KCTD1: variants seen among roughly 807,000 people sequenced by gnomAD.
KCTD1 encodes potassium channel tetramerization domain containing 1, also known as BTB/POZ domain-containing protein KCTD1.
In KCTD1, 24 loss-of-function variants were observed where a neutral mutation model predicts 66.0. The ratio of observed to expected loss-of-function variants is 0.36; its 90% CI spans 0.26 to 0.51. The LOEUF is 0.51. Among genes scored for constraint, KCTD1 ranks in the 20% least tolerant of loss-of-function variants. The pLI is 0.95. For missense variants in KCTD1, 943 were observed against 1,205.2 expected (o/e 0.78, Z 3.22); for synonymous variants, 511 against 517.2 (o/e 0.99, Z 0.16).
At chr18:26,562,321 TC>T (rs921717534) in intron 1 of KCTD1, among the ~76,000 whole-genome samples, 1 of 151,774 alleles carries the variant, frequency 6.6e-6, no homozygotes, top group Non-Finnish European at 1.5e-5. Flanking sequence ...AGCCTTGACC[TC>T]CCAGGCTCAA....
intron 1 of KCTD1, among the ~76,000 whole-genome samples, chr18:26,558,287 C>T (rs1405885474): frequency 2.0e-5 from 3 of 152,028 alleles, no homozygotes; most frequent in African/African-American, 7.3e-5. Flanking sequence ...TGGCTTACAC[C>T]CAAAAGACAG....
chr18:26,652,368 T>G (rs972793174), intron 1 of KCTD1, among the ~76,000 whole-genome samples: 4 of 152,208 alleles, frequency 2.6e-5, no homozygotes, highest in African/African-American at 9.6e-5. Context: ...GAATTGCATT[T>G]GTACATCAAA....
chr18:26,508,494 C>T (rs1983163558), intron 1 of KCTD1, among the ~76,000 whole-genome samples: 1 of 152,080 alleles, frequency 6.6e-6, no homozygotes, highest in Admixed American at 6.5e-5. Flanking sequence ...AATGTATGTC[C>T]CTGTCTTATG....
chr18:26,479,163 A>G (rs1567961575), intron 2 of KCTD1, among the ~76,000 whole-genome samples: 1 of 152,270 alleles, frequency 6.6e-6, no homozygotes, highest in Non-Finnish European at 1.5e-5. Context: ...AGCGAGCACT[A>G]GCAGAGCTGG....
intron 1 of KCTD1, among the ~76,000 whole-genome samples, chr18:26,656,839 T>C (rs1988159066): frequency 7.9e-6 from 1 of 127,382 alleles, no homozygotes; most frequent in Non-Finnish European, 1.6e-5. Context: ...GGGGCCGGTT[T>C]GCGGGCGCGG....
intron 1 of KCTD1, among the ~76,000 whole-genome samples, chr18:26,565,188 G>A (rs563891513): frequency 6.6e-6 from 1 of 152,280 alleles, no homozygotes; most frequent in African/African-American, 2.4e-5. Flanking sequence ...TGTGTAATTA[G>A]GGACCAGTTC....
chr18:26,640,099 GA>G (rs1034399249), intron 1 of KCTD1, among the ~76,000 whole-genome samples: 1 of 152,144 alleles, frequency 6.6e-6, no homozygotes, highest in African/African-American at 2.4e-5. Context: ...AGGTCTAAAG[GA>G]AAAATTCCAG....
At chr18:26,632,135 C>T (rs571303000), upstream of KCTD1, among the ~76,000 whole-genome samples, 2 of 149,364 alleles carry the variant, frequency 1.3e-5, no homozygotes, top group South Asian at 4.3e-4. Context: ...CTGTAATCCC[C>T]GCACTTTGGG....
intron 2 of KCTD1, among the ~76,000 whole-genome samples, chr18:26,481,692 T>C (rs1218467711): frequency 6.6e-6 from 1 of 152,214 alleles, no homozygotes; most frequent in Non-Finnish European, 1.5e-5. Flanking sequence ...ATCCAAATCC[T>C]GTCTGTTTTG....
rs186156303 is a variant in KCTD1, at chr18:26,469,591, C to T, written c.2133+6924G>A. ...TATATTCTTTTGTGATTCCCTGCAG[C>T]CTGCATCCTTTTCAATAATGGGAAT... On this transcript the variant is annotated intron_variant, in intron 3 of 4. Coordinates refer to ENST00000580059, the MANE Select transcript of KCTD1 (RefSeq NM_001142730.3). Among the ~76,000 whole-genome samples the T allele has an allele frequency of 3.3e-3, 501 of 152,264 alleles. 3 individuals carry two copies. Among genetic ancestry groups the T allele is most frequent in the Non-Finnish European group, 4.9e-3 (331 of 68,026 alleles).
intron 1 of KCTD1, among the ~76,000 whole-genome samples, chr18:26,593,064 T>G (rs1429029916): frequency 6.6e-6 from 1 of 152,196 alleles, no homozygotes; most frequent in Non-Finnish European, 1.5e-5. Context: ...AATGCTGGTC[T>G]CTCCAGTCTC....
At chr18:26,458,361 G>A (rs1980215805) in intron 4 of KCTD1, 1 of 152,192 alleles carries the variant, frequency 6.6e-6, no homozygotes, top group African/African-American at 2.4e-5. Flanking sequence ...TAGTCTCTGT[G>A]CTTTGGGAAG....
chr18:26,647,331 A>C (rs1163954293), intron 1 of KCTD1, among the ~76,000 whole-genome samples: 88 of 116,472 alleles, frequency 7.6e-4, no homozygotes, highest in African/African-American at 1.1e-3. Flanking sequence ...AGATAGTGAA[A>C]CCCCCCCCCC....
chr18:26,498,671 G>A lies in KCTD1; in HGVS notation c.1988+2401C>T, dbSNP rs113094574. On this transcript the variant is annotated intron_variant, in intron 2 of 4. Transcript: ENST00000580059. ...CAATTTGGATTGGCCTATTTAAAGCGCTCAATAGCTGTACGTGGCTACTGG... is the reference window on the plus strand; with the variant it reads ...CAATTTGGATTGGCCTATTTAAAGCACTCAATAGCTGTACGTGGCTACTGG... Among the ~76,000 whole-genome samples, 422 of 151,858 alleles carry A rather than the reference G, an allele frequency of 2.8e-3. 4 individuals are homozygous for A. The highest frequency in any genetic ancestry group is 9.2e-3 in the African/African-American group (380 of 41,368).
chr18:26,566,258 T>C (rs924064581), intron 1 of KCTD1: 5 of 152,230 alleles, frequency 3.3e-5, no homozygotes, highest in African/African-American at 1.2e-4. Context: ...CCAGGTTTCA[T>C]GGTCTGTCCA....
chr18:26,471,244 G>T (rs1374476424), intron 3 of KCTD1, among the ~76,000 whole-genome samples: 1 of 151,912 alleles, frequency 6.6e-6, no homozygotes, highest in Non-Finnish European at 1.5e-5. Context: ...TGACAGGTTG[G>T]TGATGACGCT....
At chr18:26,629,713 G>A (rs2145038624), upstream of KCTD1, among the ~76,000 whole-genome samples, 1 of 125,986 alleles carries the variant, frequency 7.9e-6, no homozygotes, top group Non-Finnish European at 1.6e-5. Flanking sequence ...GAAAGAGATT[G>A]ACCCCCCCGC....
intron 1 of KCTD1, chr18:26,543,164 T>A (rs1985055356): frequency 6.6e-6 from 1 of 152,198 alleles, no homozygotes; most frequent in African/African-American, 2.4e-5. Flanking sequence ...ATTTAGTTTC[T>A]CCACCAACTT....
chr18:26,578,255 A>G (rs1244782816), intron 1 of KCTD1, among the ~76,000 whole-genome samples: 1 of 151,752 alleles, frequency 6.6e-6, no homozygotes, highest in African/African-American at 2.4e-5. Context: ...CAGTAATATC[A>G]ATGTCCTTCT....
Sources: gnomAD v4.1 joint callset for allele counts (sites outside exome capture counted in the v4.1 genomes callset) on GRCh38, gnomAD v4.1.1 for gene constraint, MANE v1.5 for transcripts, NCBI Gene and HGNC (gene_info 2026-07-23, HGNC 2026-07-21) for gene names.